The following EXOC4 variants were observed in gnomAD, a reference collection of about 807,000 sequenced individuals.
The protein encoded by EXOC4 is exocyst complex component 4, also known as SEC8-like 1.
EXOC4 carries 71 observed loss-of-function variants against 107.2 expected under a neutral mutation model. That is an observed-to-expected ratio of 0.66 (90% CI 0.55 to 0.81). The LOEUF is 0.81. Ranked by LOEUF, EXOC4 falls within the 30% of genes least tolerant of loss-of-function variation. The probability of loss-of-function intolerance (pLI) is 0.00; values close to 1 mark genes in which losing one functional copy is unlikely to be tolerated. For synonymous variants in EXOC4, 456 were observed against 441.2 expected, an observed-to-expected ratio of 1.03 and a Z score of -0.42; for missense variants, 1,108 against 1,189.6, an observed-to-expected ratio of 0.93 and a Z score of 1.01.
intron 9 of EXOC4, among the ~76,000 whole-genome samples, chr7:133,629,145 A>T (rs530910435): frequency 3.3e-5 from 5 of 152,220 alleles, no homozygotes; most frequent in African/African-American, 9.6e-5. Flanking sequence ...AAAAAGCCAA[A>T]GGAGCTATTC....
At chr7:133,303,056 C>T (rs922075684) in intron 3 of EXOC4, among the ~76,000 whole-genome samples, 8 of 152,188 alleles carry the variant, frequency 5.3e-5, no homozygotes, top group Non-Finnish European at 1.0e-4. Flanking sequence ...TGACTGTCAG[C>T]GGTAGTCTGT....
the EXOC4 span, among the ~76,000 whole-genome samples, chr7:134,073,440 G>A: frequency 1.3e-3 from 204 of 151,726 alleles, no homozygotes; most frequent in African/African-American, 4.9e-3. Flanking sequence ...AGCTATTAGC[G>A]AGGGTTTTGC....
At chr7:133,928,458 C>T (rs964082854) in intron 13 of EXOC4, among the ~76,000 whole-genome samples, 6 of 152,152 alleles carry the variant, frequency 3.9e-5, no homozygotes, top group African/African-American at 1.4e-4. Context: ...GGGTGAAGGA[C>T]CATTTGCCTC....
intron 7 of EXOC4, among the ~76,000 whole-genome samples, chr7:133,406,024 T>G (rs921772707): frequency 2.0e-5 from 3 of 152,204 alleles, no homozygotes; most frequent in Non-Finnish European, 4.4e-5. Flanking sequence ...ACTATGTCCA[T>G]TATTTGCAAA....
At chr7:133,698,642 A>G (rs1384563090) in intron 10 of EXOC4, among the ~76,000 whole-genome samples, 1 of 152,088 alleles carries the variant, frequency 6.6e-6, no homozygotes, top group Non-Finnish European at 1.5e-5. Context: ...ACTACAGACT[A>G]GACTATATAA....
chr7:133,901,843 T>A (rs911433966), intron 12 of EXOC4, among the ~76,000 whole-genome samples: 3 of 152,196 alleles, frequency 2.0e-5, no homozygotes, highest in African/African-American at 7.2e-5. Context: ...CATGCAGGCC[T>A]GTTATGGACA....
At chr7:133,982,516 C>CA (rs1427506710) in intron 14 of EXOC4, among the ~76,000 whole-genome samples, 1 of 152,174 alleles carries the variant, frequency 6.6e-6, no homozygotes, top group Non-Finnish European at 1.5e-5. Context: ...CATGCCACTG[C>CA]ACTCCAGCTT....
At chr7:134,005,479 G>A (rs549374161) in intron 16 of EXOC4, among the ~76,000 whole-genome samples, 31 of 152,116 alleles carry the variant, frequency 2.0e-4, no homozygotes, top group Non-Finnish European at 3.8e-4. Context: ...TCACTGGAAC[G>A]GGAAGTTTTC....
intron 9 of EXOC4, among the ~76,000 whole-genome samples, chr7:133,565,407 T>C (rs1296220036): frequency 6.6e-6 from 1 of 152,126 alleles, no homozygotes; most frequent in African/African-American, 2.4e-5. Flanking sequence ...TCAGTAAATA[T>C]GTTGGCAATT....
At chr7:133,369,950 A>G (rs369880050) in intron 6 of EXOC4, among the ~76,000 whole-genome samples, 34 of 151,994 alleles carry the variant, frequency 2.2e-4, no homozygotes, top group South Asian at 1.9e-3. Flanking sequence ...GATTACAGGC[A>G]TGCACCATGA....
chr7:133,876,867 G>A (rs757804767), intron 11 of EXOC4, among the ~76,000 whole-genome samples: 6 of 151,068 alleles, frequency 4.0e-5, no homozygotes, highest in African/African-American at 9.8e-5. Context: ...TCTACTTATC[G>A]ATGATTTTCA....
At chr7:133,374,658 A>G (rs920787816) in intron 6 of EXOC4, among the ~76,000 whole-genome samples, 170 bp from the exon 7 acceptor site, 2 of 152,218 alleles carry the variant, frequency 1.3e-5, no homozygotes, top group Non-Finnish European at 2.9e-5. Context: ...AGTTTTTAAA[A>G]GTTGCTTAGA....
At chr7:133,975,070 A>AT (rs1793799832) in intron 14 of EXOC4, among the ~76,000 whole-genome samples, 1 of 151,876 alleles carries the variant, frequency 6.6e-6, no homozygotes. Flanking sequence ...AAGCACAAAT[A>AT]TTTATTCACC....
intron 14 of EXOC4, among the ~76,000 whole-genome samples, chr7:133,974,619 G>A (rs781534858): frequency 5.9e-5 from 9 of 152,144 alleles, no homozygotes; most frequent in South Asian, 2.1e-4. Flanking sequence ...CATTTTGTTC[G>A]TGCCCTGTAT....
At chr7:133,455,501 T>A (rs1798443323) in intron 7 of EXOC4, among the ~76,000 whole-genome samples, 1 of 152,238 alleles carries the variant, frequency 6.6e-6, no homozygotes, top group African/African-American at 2.4e-5. Flanking sequence ...TCGTAGATTT[T>A]CAGTTAAAAT....
rs34442997 is a variant in EXOC4, at chr7:133,619,984, C to CTGTGTGTG, written c.1418-10043_1418-10036dup. ...CCTACCTTCTCTGTCTCCCTGTTTT[C>CTGTGTGTG]TGTGTGTGTGTGTGTGTGTGTGTGT... On this transcript the variant is annotated intron_variant, in intron 9 of 17. Transcript: ENST00000253861. Among the ~76,000 whole-genome samples the CTGTGTGTG allele has an allele frequency of 7.4e-3, 1,102 of 149,556 alleles. 5 individuals carry two copies. Among genetic ancestry groups the CTGTGTGTG allele is most frequent in the Non-Finnish European group, 0.011 (739 of 67,246 alleles).
intron 14 of EXOC4, among the ~76,000 whole-genome samples, chr7:133,984,552 T>G (rs1794070420): frequency 6.6e-6 from 1 of 152,202 alleles, no homozygotes; most frequent in African/African-American, 2.4e-5. Flanking sequence ...GTCCTTAACT[T>G]GAAGATAAAA....
At chr7:133,293,721 G>A (rs1794458262) in intron 3 of EXOC4, among the ~76,000 whole-genome samples, 1 of 152,094 alleles carries the variant, frequency 6.6e-6, no homozygotes, top group African/African-American at 2.4e-5. Context: ...TAATTAAATT[G>A]TCATGACAGG....
intron 7 of EXOC4, among the ~76,000 whole-genome samples, chr7:133,389,512 G>A (rs1372529585): frequency 2.1e-5 from 3 of 146,012 alleles, no homozygotes; most frequent in African/African-American, 7.7e-5. Flanking sequence ...GGCGGAGCTT[G>A]CAGTGAGCTG....
Sources: gnomAD v4.1 joint callset for allele counts (sites outside exome capture counted in the v4.1 genomes callset) on GRCh38, gnomAD v4.1.1 for gene constraint, MANE v1.5 for transcripts, NCBI Gene and HGNC (gene_info 2026-07-23, HGNC 2026-07-21) for gene names.